Variants in PUDP observed in about 807,000 individuals in gnomAD.
The protein encoded by PUDP is pseudouridine-5'-phosphatase.
Under a neutral mutation model 9.4 loss-of-function variants are expected in PUDP, and 8 were observed. The observed-to-expected ratio is 0.85, with a 90% CI of 0.50 to 1.53. The LOEUF is 1.53. PUDP is among the 40% of genes most tolerant of loss of function. The pLI is 0.00. For synonymous variants in PUDP, 99 were observed against 80.7 expected (o/e 1.23, Z -1.22); for missense variants, 188 against 189.7 (o/e 0.99, Z 0.05).
intron 1 of PUDP, among the ~76,000 whole-genome samples, chrX:7,027,849 C>A (rs1480888999): frequency 4.7e-5 from 4 of 85,637 alleles, no homozygotes; most frequent in African/African-American, 1.4e-4. Context: ...TATATATAGA[C>A]TATATATAGA....
intron 1 of PUDP, among the ~76,000 whole-genome samples, chrX:7,137,266 C>T (rs1275901314): frequency 3.8e-5 from 4 of 104,405 alleles, no homozygotes; most frequent in African/African-American, 1.4e-4. Flanking sequence ...AAACTAAGGC[C>T]GGGTGTGGTG....
chrX:6,792,443 C>A (rs1462266616), intron 3 of PUDP, among the ~76,000 whole-genome samples: 1 of 108,866 alleles, frequency 9.2e-6, no homozygotes, highest in Non-Finnish European at 1.9e-5. Context: ...CTTCACCCAC[C>A]CCTCCTCAAA....
chrX:7,133,744 C>T (rs926532538), intron 1 of PUDP, among the ~76,000 whole-genome samples: 12 of 111,945 alleles, frequency 1.1e-4, no homozygotes, highest in Non-Finnish European at 3.8e-5. Flanking sequence ...CTAGTCCCAG[C>T]CAGCAGAAGC....
At chrX:7,117,594 G>A (rs1371778332) in intron 1 of PUDP, among the ~76,000 whole-genome samples, 1 of 112,895 alleles carries the variant, frequency 8.9e-6, no homozygotes, top group Non-Finnish European at 1.9e-5. Flanking sequence ...TATTTAAAGG[G>A]AAGGTAGAGC....
At chrX:6,944,889 T>G (rs1031033270) in intron 3 of PUDP, among the ~76,000 whole-genome samples, 3 of 111,389 alleles carry the variant, frequency 2.7e-5, no homozygotes, top group Non-Finnish European at 5.7e-5. Context: ...TCCCAAATTT[T>G]TAGACAAAAC....
intron 2 of PUDP, among the ~76,000 whole-genome samples, chrX:6,977,930 C>T (rs1438660840): frequency 8.9e-6 from 1 of 112,171 alleles, no homozygotes; most frequent in Non-Finnish European, 1.9e-5. Context: ...CTTTGGGTTC[C>T]AGGTCTTGGC....
At chrX:6,858,607 C>T in intron 3 of PUDP, among the ~76,000 whole-genome samples, 1 of 111,476 alleles carries the variant, frequency 9.0e-6, no homozygotes, top group East Asian at 2.8e-4. Flanking sequence ...GATGTGAGCC[C>T]CAGGACCCAG....
rs184527491 is a variant in PUDP at position 7,057,348 on chromosome X, T to C, written c.511-6876A>G. Among the ~76,000 whole-genome samples, 655 of 110,319 alleles carry C rather than the reference T, an allele frequency of 5.9e-3. 3 individuals are homozygous for C. The highest frequency in any genetic ancestry group is 0.019 in the African/African-American group (590 of 30,258). ...AGGTCTGGGGCCAGGCGGTGTGAGA[T>C]CAGGGAGCCAGCGTGGTCTCTGGCT... On this transcript the variant is annotated intron_variant, in intron 3 of 3. Coordinates refer to ENST00000381077, the MANE Select transcript of PUDP (RefSeq NM_012080.5).
At chrX:6,810,562 C>G (rs1926126440) in intron 3 of PUDP, among the ~76,000 whole-genome samples, 1 of 111,361 alleles carries the variant, frequency 9.0e-6, no homozygotes, top group South Asian at 3.8e-4. Flanking sequence ...TCACTTTTTG[C>G]AATTCTCAGA....
chrX:7,029,781 C>T (rs965379612), intron 1 of PUDP, among the ~76,000 whole-genome samples: 1 of 111,930 alleles, frequency 8.9e-6, no homozygotes, highest in Admixed American at 9.5e-5. Flanking sequence ...ATCTCATTCA[C>T]TTTACCCAAC....
chrX:7,023,151 C>A (rs1418467688), intron 1 of PUDP, among the ~76,000 whole-genome samples: 6 of 112,058 alleles, frequency 5.4e-5, no homozygotes, highest in African/African-American at 1.6e-4. Context: ...CAGGCTGAGT[C>A]CTGCTCTGAA....
chrX:6,914,751 C>T (rs138649640), intron 3 of PUDP, among the ~76,000 whole-genome samples: 1,570 of 112,398 alleles, frequency 0.014, 24 homozygotes, highest in East Asian at 0.038. Flanking sequence ...AAGCACATCT[C>T]ATGCTCACAT....
chrX:6,942,175 A>G (rs968730252), intron 3 of PUDP, among the ~76,000 whole-genome samples: 5 of 111,959 alleles, frequency 4.5e-5, no homozygotes, highest in Non-Finnish European at 9.4e-5. Context: ...GCATGTAAGA[A>G]ATCTGCACTT....
intron 3 of PUDP, among the ~76,000 whole-genome samples, chrX:6,907,526 A>G (rs1382530883): frequency 8.9e-6 from 1 of 111,785 alleles, no homozygotes; most frequent in Admixed American, 9.5e-5. Context: ...GGCATGCTAC[A>G]TACACATTTA....
intron 3 of PUDP, among the ~76,000 whole-genome samples, chrX:6,927,428 A>C (rs1928122842): frequency 8.9e-6 from 1 of 112,225 alleles, no homozygotes; most frequent in East Asian, 2.8e-4. Flanking sequence ...TCAGATAACG[A>C]TGCTGTTGAA....
chrX:6,984,749 T>C (rs950493309), intron 1 of PUDP, among the ~76,000 whole-genome samples: 1 of 111,525 alleles, frequency 9.0e-6, no homozygotes, highest in Non-Finnish European at 1.9e-5. Flanking sequence ...TCCGAATCCA[T>C]GGAAAATCCT....
intron 1 of PUDP, among the ~76,000 whole-genome samples, chrX:7,113,918 A>G (rs1932120883): frequency 9.0e-6 from 1 of 111,192 alleles, no homozygotes; most frequent in Admixed American, 9.5e-5. Context: ...TCTTACAGTT[A>G]TGGGGACTGA....
intron 3 of PUDP, among the ~76,000 whole-genome samples, chrX:6,841,386 G>A (rs184456008): frequency 5.8e-4 from 64 of 110,634 alleles, no homozygotes; most frequent in African/African-American, 1.9e-3. Flanking sequence ...GAGCCCAGGA[G>A]TTCAAGACCA....
At position 7,080,100 on chromosome X, in the gene PUDP, AAAG is replaced by A. The variant is rs754016512; in HGVS notation, c.281-2654_281-2652del. Among the ~76,000 whole-genome samples, 11 of 112,352 alleles carry A rather than the reference AAAG, an allele frequency of 9.8e-5. No individual in the cohort carries two copies. The South Asian group carries it at 3.7e-3, about 38-fold the overall frequency. Reference sequence around the variant, plus strand: ...TCCTAGCTAAACTGATCAAAAAAATAAAGAAGATCCAAATGTACTAACATTAGC... The same window carrying A: ...TCCTAGCTAAACTGATCAAAAAAATAAAGATCCAAATGTACTAACATTAGC... On this transcript the variant is annotated intron_variant, in intron 2 of 3. Coordinates refer to ENST00000381077, the MANE Select transcript of PUDP (RefSeq NM_012080.5).
Sources: allele counts gnomAD v4.1 joint callset (sites outside exome capture counted in the v4.1 genomes callset), GRCh38; gene constraint gnomAD v4.1.1; transcripts MANE v1.5; gene names NCBI Gene and HGNC (gene_info 2026-07-23, HGNC 2026-07-21).